Variants in SPIRE1 observed in about 807,000 individuals in gnomAD.
The protein encoded by SPIRE1 is spire type actin nucleation factor 1.
A neutral mutation model predicts 94.1 loss-of-function variants in SPIRE1; 40 were observed. That is an observed-to-expected ratio of 0.43 (90% CI 0.33 to 0.55). The LOEUF (loss-of-function observed/expected upper bound fraction) is 0.55, where lower values mean the gene tolerates loss of function less well. Among genes scored for constraint, SPIRE1 ranks in the 20% least tolerant of loss-of-function variants. The pLI is 0.06. For synonymous variants in SPIRE1, 376 were observed against 371.7 expected (o/e 1.01, Z -0.13); for missense variants, 838 against 975.2 (o/e 0.86, Z 1.87).
intron 3 of SPIRE1, among the ~76,000 whole-genome samples, chr18:12,544,325 G>A (rs1176040698): frequency 1.3e-5 from 2 of 150,994 alleles, no homozygotes; most frequent in Non-Finnish European, 2.9e-5. Flanking sequence ...TCAGCCTCCT[G>A]ACTAGCTGGG....
At chr18:12,641,634 T>C (rs1377026953) in intron 1 of SPIRE1, among the ~76,000 whole-genome samples, 1 of 151,938 alleles carries the variant, frequency 6.6e-6, no homozygotes, top group African/African-American at 2.4e-5. Context: ...CCCAAAGTGC[T>C]GGGATTACAG....
At chr18:12,475,354 G>A (rs1025199690) in intron 10 of SPIRE1, among the ~76,000 whole-genome samples, 1 of 152,112 alleles carries the variant, frequency 6.6e-6, no homozygotes, top group African/African-American at 2.4e-5. Context: ...AAGACACTGT[G>A]CTCACTAAGC....
chr18:12,573,796 G>A (rs905122116), intron 2 of SPIRE1, among the ~76,000 whole-genome samples: 5 of 151,798 alleles, frequency 3.3e-5, no homozygotes, highest in Admixed American at 2.6e-4. Context: ...CTGGAGTGCA[G>A]TGGTGCAATC....
intron 9 of SPIRE1, among the ~76,000 whole-genome samples, chr18:12,482,993 T>G (rs1485721807): frequency 6.9e-6 from 1 of 145,258 alleles, no homozygotes; most frequent in Non-Finnish European, 1.5e-5. Context: ...CAGGTTGGGG[T>G]GCAGTGGCAC....
rs192929694 is a variant in SPIRE1 at position 12,466,404 on chromosome 18, G to A, written c.1405-1446C>T. On this transcript the variant is annotated intron_variant, in intron 10 of 16. Coordinates refer to ENST00000409402, the MANE Select transcript of SPIRE1 (RefSeq NM_001128626.2). ...CAATTCTCCTGCCTCAGCCTCCTGA[G>A]TAACTGGGATTACAGGTGAGTGCCA... Among the ~76,000 whole-genome samples the A allele has an allele frequency of 5.0e-3, 755 of 152,124 alleles. 7 individuals carry two copies. The highest frequency in any genetic ancestry group is 0.017 in the African/African-American group (709 of 41,514).
At chr18:12,483,700 T>C (rs564847104) in intron 9 of SPIRE1, among the ~76,000 whole-genome samples, 3 of 152,326 alleles carry the variant, frequency 2.0e-5, no homozygotes, top group East Asian at 3.9e-4. Flanking sequence ...TTCATCATTA[T>C]CTTGTACTTA....
At chr18:12,606,533 A>ATTT (rs11461946) in intron 2 of SPIRE1, among the ~76,000 whole-genome samples, 136 of 145,580 alleles carry the variant, frequency 9.3e-4, no homozygotes, top group Admixed American at 1.6e-3. Flanking sequence ...TAATTATCTG[A>ATTT]TTTTTTTTTT....
chr18:12,449,543 T>C lies in SPIRE1; in HGVS notation c.*95A>G. The C allele has an allele frequency of 7.7e-7, 1 of 1,301,162 alleles. No homozygotes were observed. Among genetic ancestry groups the C allele is most frequent in the South Asian group, 1.5e-5 (1 of 66,712 alleles). The allele number at this position is 1,301,162 out of a possible 1,614,324, so 80.6% of individuals were successfully genotyped here. On this transcript the variant is annotated 3_prime_UTR_variant, in exon 17 of 17. Transcript: ENST00000409402. ...CTGATCTAATGCAAATTCAAGCCCA[T>C]TAAATAAAACCACAGAAAGGAGAGC...
intron 16 of SPIRE1, chr18:12,450,549 C>CT (rs2031182266): frequency 1.8e-6 from 1 of 560,188 alleles, no homozygotes; most frequent in Admixed American, 2.7e-5. Flanking sequence ...CCAGCGGTCT[C>CT]TGTCAATTTT....
chr18:12,654,612 G>A (rs879925545), intron 1 of SPIRE1, among the ~76,000 whole-genome samples: 2 of 144,976 alleles, frequency 1.4e-5, no homozygotes, highest in African/African-American at 5.1e-5. Context: ...CTGAGATCGC[G>A]CCACCACACT....
chr18:12,616,600 T>A (rs72879364), intron 2 of SPIRE1, among the ~76,000 whole-genome samples: 5 of 152,328 alleles, frequency 3.3e-5, no homozygotes, highest in Non-Finnish European at 7.4e-5. Context: ...TCTACTAAGA[T>A]CCTTTGAGAG....
Position 12,657,607 on chromosome 18 carries a change from T to C in SPIRE1, c.260A>G (p.Gln87Arg). ...QPRHRVRSAA[Q>R]IRVWRDGAVT... ...GGCGCCGTCCCTCCAGACGCGGATC[T>C]GCGCGGCCGAGCGCACACGGTGGCG... Residue 87 changes from glutamine to arginine, a missense_variant, in exon 1 of 17, where the codon CAG (glutamine) becomes CGG (arginine). Gln to Arg is a conservative substitution (Grantham distance 43). Coordinates refer to ENST00000409402, the MANE Select transcript of SPIRE1 (RefSeq NM_001128626.2). The C allele has an allele frequency of 7.8e-7, 1 of 1,277,224 alleles. No homozygotes were observed. Among genetic ancestry groups the C allele is most frequent in the South Asian group, 2.8e-5 (1 of 35,536 alleles). 79.1% of individuals were successfully genotyped at this position (1,277,224 alleles called of 1,614,324 possible).
At chr18:12,621,254 T>C (rs979309332) in intron 2 of SPIRE1, among the ~76,000 whole-genome samples, 15 of 152,022 alleles carry the variant, frequency 9.9e-5, no homozygotes, top group Admixed American at 7.9e-4. Context: ...TGTGGAAAAA[T>C]CAGAACCCTT....
upstream of SPIRE1, chr18:12,661,762 G>A (rs1248690439): frequency 6.5e-6 from 1 of 154,406 alleles, no homozygotes; most frequent in African/African-American, 2.4e-5. Context: ...GTGACAGAGT[G>A]AGAGTCCGTC....
intron 2 of SPIRE1, among the ~76,000 whole-genome samples, chr18:12,583,883 C>T (rs11664936): frequency 0.56 from 84,489 of 151,056 alleles, 24,662 homozygotes; most frequent in Middle Eastern, 0.75. Context: ...GTCATGATCA[C>T]GCCACTGCAC....
At chr18:12,525,031 C>T (rs113472959) in intron 4 of SPIRE1, among the ~76,000 whole-genome samples, 7,240 of 150,890 alleles carry the variant, frequency 0.048, 190 homozygotes, top group South Asian at 0.097. Context: ...AATCCCAGCA[C>T]TTTGGGAGGC....
chr18:12,543,832 A>T (rs1206177831), intron 3 of SPIRE1, among the ~76,000 whole-genome samples: 1 of 152,332 alleles, frequency 6.6e-6, no homozygotes, highest in South Asian at 2.1e-4. Context: ...TCTTCAGATA[A>T]TTCTTGTCTT....
At chr18:12,453,600 A>AT (rs1212505942) in intron 13 of SPIRE1, among the ~76,000 whole-genome samples, 1 of 151,414 alleles carries the variant, frequency 6.6e-6, no homozygotes, top group East Asian at 1.9e-4. Context: ...GGCCTGGCTA[A>AT]TTTTTTGGTA....
chr18:12,517,948 T>G (rs940513784), intron 4 of SPIRE1, among the ~76,000 whole-genome samples: 5 of 152,226 alleles, frequency 3.3e-5, no homozygotes, highest in African/African-American at 1.2e-4. Context: ...CATGTGTACA[T>G]GTTTTCAGTT....
Sources: gnomAD v4.1 joint callset for allele counts (sites outside exome capture counted in the v4.1 genomes callset) on GRCh38, gnomAD v4.1.1 for gene constraint, MANE v1.5 for transcripts, NCBI Gene and HGNC (gene_info 2026-07-23, HGNC 2026-07-21) for gene names.